LRRC58: variants seen among roughly 807,000 people sequenced by gnomAD.
The protein encoded by LRRC58 is leucine rich repeat containing 58.
Under a neutral mutation model 30.6 loss-of-function variants are expected in LRRC58, and 18 were observed. The observed-to-expected ratio is 0.59, with a 90% CI of 0.41 to 0.87. The LOEUF is 0.87. Among genes scored for constraint, LRRC58 ranks in the 40% least tolerant of loss-of-function variants. The probability of loss-of-function intolerance (pLI) is 0.00; values close to 1 mark genes in which losing one functional copy is unlikely to be tolerated. For synonymous variants in LRRC58, 221 were observed against 206.0 expected (o/e 1.07, Z -0.62); for missense variants, 420 against 468.4 (o/e 0.90, Z 0.95).
At chr3:120,345,990 C>A (rs910019056) in intron 1 of LRRC58, among the ~76,000 whole-genome samples, 1 of 152,190 alleles carries the variant, frequency 6.6e-6, no homozygotes, top group Non-Finnish European at 1.5e-5. Context: ...CAGTGCCTCA[C>A]GCCTGTAATC....
In LRRC58 at chr3:120,328,465, A is replaced by G. The variant is rs1054830972; in HGVS notation, c.*2735T>C. ...AGTTTTATCCATAGTTTTGGTCACT[A>G]AAATCGTCCAAGTAGAGCAATATCA... On this transcript the variant is annotated 3_prime_UTR_variant, in exon 4 of 4. Coordinates refer to ENST00000295628, the MANE Select transcript of LRRC58 (RefSeq NM_001099678.2). 3.3e-5 allele frequency: 5 copies of G among 152,260 alleles called. No homozygotes were observed. The highest frequency in any genetic ancestry group is 1.3e-4 in the Admixed American group (2 of 15,278). 9.4% of individuals were successfully genotyped at this position (152,260 alleles called of 1,614,324 possible).
At position 120,331,148 on chromosome 3, in the gene LRRC58, C is replaced by A; in HGVS notation, c.*52G>T. On this transcript the variant is annotated 3_prime_UTR_variant, in exon 4 of 4. Coordinates refer to ENST00000295628, the MANE Select transcript of LRRC58 (RefSeq NM_001099678.2). ...TGAACTTCAAGCTCTATTTTCTTGT[C>A]TAACCATTTTGCTCAGTTTTTTAAG... The A allele has an allele frequency of 6.7e-7, 1 of 1,492,338 alleles. No individual in the cohort carries two copies. Among genetic ancestry groups the A allele is most frequent in the South Asian group, 1.1e-5 (1 of 87,886 alleles). 92.4% of individuals were successfully genotyped at this position (1,492,338 alleles called of 1,614,324 possible).
At chr3:120,344,910 T>A (rs1165839808) in intron 1 of LRRC58, among the ~76,000 whole-genome samples, 1 of 152,078 alleles carries the variant, frequency 6.6e-6, no homozygotes. Context: ...ACAAAAAAAA[T>A]TTTGCCCATA....
At position 120,348,872 on chromosome 3, in the gene LRRC58, C is replaced by A. The variant is rs747314843; in HGVS notation, c.372G>T (p.Val124=). The A allele has an allele frequency of 1.9e-6, 3 of 1,596,994 alleles. No homozygotes were observed. The highest frequency in any genetic ancestry group is 2.6e-6 in the Non-Finnish European group (3 of 1,172,940). The change falls in exon 1 of 4, where the codon GTG becomes GTT. Residue 124 remains valine, a synonymous_variant. Transcript: ENST00000295628. ...GGAAACAGTTGCCGCTGAGGTTGAG[C>A]ACCTGGAGGCTGCGGCAGAGCGGCG... is the stretch of plus-strand genomic sequence containing the variant. ...AQSPLCRSLQ[V]LNLSGNCFQE...
intron 3 of LRRC58, 91 bp from the exon 4 acceptor site, chr3:120,331,499 A>G (rs1361465274): frequency 1.1e-6 from 1 of 909,358 alleles, no homozygotes; most frequent in African/African-American, 1.6e-5. Flanking sequence ...GAGAAATGTC[A>G]TACACCATCT....
chr3:120,338,728 G>T (rs888590002), intron 1 of LRRC58, among the ~76,000 whole-genome samples: 2 of 152,220 alleles, frequency 1.3e-5, no homozygotes, highest in African/African-American at 4.8e-5. Flanking sequence ...GGTCATCAAA[G>T]AGATCAGAGA....
intron 1 of LRRC58, 102 bp downstream of exon 1, chr3:120,348,642 G>T: frequency 7.5e-7 from 1 of 1,329,152 alleles, no homozygotes; most frequent in Non-Finnish European, 1.0e-6. Context: ...GAGAAAGCTT[G>T]GAAATAGTTA....
intron 1 of LRRC58, among the ~76,000 whole-genome samples, chr3:120,336,205 C>T (rs1935833014): frequency 6.6e-6 from 1 of 152,076 alleles, no homozygotes; most frequent in Non-Finnish European, 1.5e-5. Flanking sequence ...ATAGGCATTA[C>T]AATACCAAAA....
At chr3:120,335,697 T>C (rs1935826347) in intron 2 of LRRC58, 128 bp downstream of exon 2, 1 of 811,866 alleles carries the variant, frequency 1.2e-6, no homozygotes, top group Non-Finnish European at 1.9e-6. Context: ...CTCAGAACTA[T>C]AATTAACATA....
At chr3:120,331,652 T>C (rs1935759326) in intron 3 of LRRC58, among the ~76,000 whole-genome samples, 1 of 151,788 alleles carries the variant, frequency 6.6e-6, no homozygotes, top group South Asian at 2.1e-4. Flanking sequence ...AAGGACACTG[T>C]GTACCTAGCT....
Position 120,343,121 on chromosome 3 carries a change from T to A in LRRC58, c.500+5623A>T, listed in dbSNP as rs187538221. On this transcript the variant is annotated intron_variant, in intron 1 of 3. Coordinates refer to ENST00000295628, the MANE Select transcript of LRRC58 (RefSeq NM_001099678.2). ...TTACCTTGACTGTGGCAGAAAAGGA[T>A]CTGACGTTCTAAAATATAACTAAGG... is the stretch of plus-strand genomic sequence containing the variant. Among the ~76,000 whole-genome samples the A allele has an allele frequency of 2.2e-4, 34 of 152,336 alleles. No individual in the cohort carries two copies. In the East Asian group the frequency reaches 5.8e-3, roughly 26 times the overall value.
chr3:120,343,676 T>C (rs528419849), intron 1 of LRRC58, among the ~76,000 whole-genome samples: 1 of 152,272 alleles, frequency 6.6e-6, no homozygotes, highest in African/African-American at 2.4e-5. Flanking sequence ...CTAGCACAAG[T>C]AAAAGTAGAA....
chr3:120,334,433 G>C (rs893593649), intron 3 of LRRC58, among the ~76,000 whole-genome samples: 10 of 152,080 alleles, frequency 6.6e-5, no homozygotes, highest in African/African-American at 2.4e-4. Context: ...GCGTGAACCT[G>C]GGAGGCAGAG....
chr3:120,334,122 G>A (rs1227598838), intron 3 of LRRC58, among the ~76,000 whole-genome samples: 1 of 152,140 alleles, frequency 6.6e-6, no homozygotes, highest in Non-Finnish European at 1.5e-5. Context: ...GGTACATTCT[G>A]TAACTGGCAC....
At chr3:120,340,290 T>C (rs1935889138) in intron 1 of LRRC58, among the ~76,000 whole-genome samples, 1 of 152,226 alleles carries the variant, frequency 6.6e-6, no homozygotes, top group Non-Finnish European at 1.5e-5. Flanking sequence ...TATGGATTCA[T>C]TCTTCAGCTG....
chr3:120,339,024 TTTTTA>T (rs576061282), intron 1 of LRRC58, among the ~76,000 whole-genome samples: 77 of 152,180 alleles, frequency 5.1e-4, no homozygotes, highest in Non-Finnish European at 5.0e-4. Context: ...TATTGGTGTA[TTTTTA>T]TTTTAAGTGT....
At chr3:120,333,021 G>A (rs1935779620) in intron 3 of LRRC58, among the ~76,000 whole-genome samples, 1 of 151,482 alleles carries the variant, frequency 6.6e-6, no homozygotes, top group African/African-American at 2.4e-5. Flanking sequence ...GAACCCCGGA[G>A]GCGGAGCTTG....
chr3:120,334,198 A>G (rs787205), intron 3 of LRRC58, among the ~76,000 whole-genome samples: 18,067 of 152,222 alleles, frequency 0.12, 1,174 homozygotes, highest in African/African-American at 0.16. Flanking sequence ...CTAAGAAAAC[A>G]TCATTCAAAT....
chr3:120,331,920 T>C (rs1357664999), intron 3 of LRRC58, among the ~76,000 whole-genome samples: 1 of 152,250 alleles, frequency 6.6e-6, no homozygotes, highest in Non-Finnish European at 1.5e-5. Flanking sequence ...ATTTTACATT[T>C]CCAAAGACTG....
Sources: allele counts gnomAD v4.1 joint callset (sites outside exome capture counted in the v4.1 genomes callset), GRCh38; gene constraint gnomAD v4.1.1; transcripts MANE v1.5; gene names NCBI Gene and HGNC (gene_info 2026-07-23, HGNC 2026-07-21).